Variants in ARFGAP3 observed in about 807,000 individuals in gnomAD.
ARFGAP3 encodes the protein ADP-ribosylation factor GTPase-activating protein 3.
Under a neutral mutation model 75.0 loss-of-function variants are expected in ARFGAP3, and 72 were observed. That is an observed-to-expected ratio of 0.96 (90% confidence interval 0.79 to 1.17). ARFGAP3 has a LOEUF of 1.17. Among genes scored for constraint, ARFGAP3 ranks in the 50% most tolerant of loss-of-function variants. The pLI is 0.00. For synonymous variants in ARFGAP3, 221 were observed against 217.9 expected (o/e 1.01, Z -0.13); for missense variants, 620 against 626.6 (o/e 0.99, Z 0.11).
chr22:42,818,872 G>A (rs565685265), intron 9 of ARFGAP3, among the ~76,000 whole-genome samples: 1 of 141,468 alleles, frequency 7.1e-6, no homozygotes, highest in East Asian at 1.9e-4. Context: ...GAGTGCAGTG[G>A]TGCAATCTTG....
intron 5 of ARFGAP3, among the ~76,000 whole-genome samples, chr22:42,832,533 C>CAA (rs55833497): frequency 4.4e-4 from 54 of 122,626 alleles, no homozygotes; most frequent in Admixed American, 2.1e-3. Context: ...GACTCCATCT[C>CAA]AAAAAAAAAA....
intron 11 of ARFGAP3, among the ~76,000 whole-genome samples, chr22:42,814,508 A>G (rs1322202319): frequency 6.6e-6 from 1 of 152,238 alleles, no homozygotes; most frequent in African/African-American, 2.4e-5. Context: ...GTTTCAAACC[A>G]TAAGTAACAG....
intron 11 of ARFGAP3, among the ~76,000 whole-genome samples, chr22:42,815,388 C>T (rs1925531871): frequency 6.6e-6 from 1 of 151,190 alleles, no homozygotes; most frequent in Non-Finnish European, 1.5e-5. Context: ...GAAAATACCA[C>T]CATGGAACAC....
chr22:42,827,316 G>A (rs1236648284), intron 6 of ARFGAP3, among the ~76,000 whole-genome samples: 1 of 152,070 alleles, frequency 6.6e-6, no homozygotes, highest in Non-Finnish European at 1.5e-5. Context: ...CTACCTCTGT[G>A]GACTATACAT....
Position 42,836,052 on chromosome 22 carries a change from G to T in ARFGAP3, c.262-559C>A, listed in dbSNP as rs188888542. ...GGCTGCAATGCAGTGGCTCCATCTCGGTTCACTGCAAACTCCACCTCCTGG... is the reference window on the plus strand; with the variant it reads ...GGCTGCAATGCAGTGGCTCCATCTCTGTTCACTGCAAACTCCACCTCCTGG... On this transcript the variant is annotated intron_variant, in intron 3 of 15. Coordinates refer to ENST00000263245, the MANE Select transcript of ARFGAP3 (RefSeq NM_014570.5). 1.7e-3 allele frequency among the ~76,000 whole-genome samples: 241 copies of T among 139,610 alleles called. 2 individuals carry two copies. The highest frequency in any genetic ancestry group is 6.2e-3 in the African/African-American group (231 of 37,138). The allele number at this position is 139,610 out of a possible 152,430, so 91.6% of individuals were successfully genotyped here.
chr22:42,846,436 G>T (rs142666519), intron 2 of ARFGAP3, among the ~76,000 whole-genome samples: 2,703 of 152,282 alleles, frequency 0.018, 34 homozygotes, highest in Non-Finnish European at 0.025. Context: ...GGACTGTGGG[G>T]TTATCCCATC....
chr22:42,841,157 G>A, intron 2 of ARFGAP3, 141 bp from the exon 3 acceptor site: 1 of 1,440,036 alleles, frequency 6.9e-7, no homozygotes. Context: ...CACACTTTTG[G>A]GATGCTAGGA....
At chr22:42,823,304 A>G (rs2146548502) in intron 8 of ARFGAP3, among the ~76,000 whole-genome samples, 1 of 152,106 alleles carries the variant, frequency 6.6e-6, no homozygotes, top group African/African-American at 2.4e-5. Flanking sequence ...GTGCTCCGCA[A>G]TGCTTCGCTG....
chr22:42,849,560 CTT>C (rs58141557), intron 1 of ARFGAP3, among the ~76,000 whole-genome samples: 26,320 of 127,758 alleles, frequency 0.21, 4,695 homozygotes, highest in East Asian at 0.55. Flanking sequence ...TGCTTTATGG[CTT>C]TTTTTTTTTT....
At chr22:42,806,930 C>G (rs941770923) in intron 14 of ARFGAP3, 143 bp downstream of exon 14, 2 of 815,718 alleles carry the variant, frequency 2.5e-6, no homozygotes, top group Admixed American at 3.4e-5. Flanking sequence ...ATAGTAACTT[C>G]TGCTCTACCT....
chr22:42,823,627 T>C (rs1219403621), intron 8 of ARFGAP3, 29 bp downstream of exon 8: 2 of 1,465,728 alleles, frequency 1.4e-6, no homozygotes, highest in Non-Finnish European at 9.2e-7. Context: ...AACTACCAGA[T>C]TTTTATATAT....
chr22:42,849,578 TAA>T (rs11464548), intron 1 of ARFGAP3, among the ~76,000 whole-genome samples: 1 of 108,108 alleles, frequency 9.3e-6, no homozygotes, highest in African/African-American at 4.2e-5. Context: ...TTTTTTTTTT[TAA>T]AGAGACAAGG....
In ARFGAP3 at chr22:42,830,864, T is replaced by A. The variant is rs573809138; in HGVS notation, c.565+685A>T. Among the ~76,000 whole-genome samples the A allele has an allele frequency of 1.5e-3, 235 of 152,174 alleles. 1 individual carries two copies. The highest frequency in any genetic ancestry group is 3.0e-3 in the Non-Finnish European group (207 of 67,964). On this transcript the variant is annotated intron_variant, in intron 6 of 15. Coordinates refer to ENST00000263245, the MANE Select transcript of ARFGAP3 (RefSeq NM_014570.5). The stretch of plus-strand genomic sequence containing the variant: ...AACTAAAAATCCTCAGTAATTTCAC[T>A]CTCTATTTAACAATTTGCTATGTGC...
intron 1 of ARFGAP3, among the ~76,000 whole-genome samples, chr22:42,855,699 A>C (rs1181473149): frequency 3.3e-5 from 5 of 150,050 alleles, no homozygotes; most frequent in African/African-American, 1.2e-4. Flanking sequence ...ATTAAAATTA[A>C]AACGTTAAAA....
At chr22:42,844,197 T>A (rs1427217529) in intron 2 of ARFGAP3, among the ~76,000 whole-genome samples, 1 of 128,564 alleles carries the variant, frequency 7.8e-6, no homozygotes, top group Non-Finnish European at 1.9e-5. Context: ...TTTCTTTTTT[T>A]GGTGGTGGTT....
chr22:42,835,535 C>T (rs190668379), intron 3 of ARFGAP3, 42 bp from the exon 4 acceptor site: 292 of 1,606,020 alleles, frequency 1.8e-4, no homozygotes, highest in Middle Eastern at 6.7e-4. Context: ...CGTAAAACTA[C>T]GTATGGCCAG....
rs111869150 is a variant in ARFGAP3, at chr22:42,824,528, C to CT, written c.626-827dup. 2.5e-3 allele frequency among the ~76,000 whole-genome samples: 334 copies of CT among 135,346 alleles called. 2 individuals are homozygous for CT. The highest frequency in any genetic ancestry group is 8.3e-3 in the Middle Eastern group (2 of 240). The allele number at this position is 135,346 out of a possible 152,430, so 88.8% of individuals were successfully genotyped here. On this transcript the variant is annotated intron_variant, in intron 7 of 15. Transcript: ENST00000263245. ...TATGCCACCATGCCTGGTTTTCTTT[C>CT]TTTTTTTTTTTTTTGTAGACATCAG...
intron 6 of ARFGAP3, among the ~76,000 whole-genome samples, chr22:42,828,287 G>A (rs139951025): frequency 2.0e-5 from 3 of 151,858 alleles, no homozygotes; most frequent in South Asian, 2.1e-4. Flanking sequence ...GGCCAGGCGC[G>A]GTAGCTCACA....
At position 42,814,768 on chromosome 22, in the gene ARFGAP3, G is replaced by C. The variant is rs1211008019; in HGVS notation, c.1064+2374C>G. On this transcript the variant is annotated intron_variant, in intron 11 of 15. Coordinates refer to ENST00000263245, the MANE Select transcript of ARFGAP3 (RefSeq NM_014570.5). The stretch of plus-strand genomic sequence containing the variant: ...TCTCTTTTTTTTGAGAGAGGGTCTT[G>C]CTCTGTTGCCCAGGCTGGAGTGCAG... 5.3e-5 allele frequency among the ~76,000 whole-genome samples: 8 copies of C among 152,082 alleles called. No homozygotes were observed. The East Asian group carries it at 1.5e-3, about 29-fold the overall frequency.
Sources: gnomAD v4.1 joint callset for allele counts (sites outside exome capture counted in the v4.1 genomes callset) on GRCh38, gnomAD v4.1.1 for gene constraint, MANE v1.5 for transcripts, NCBI Gene and HGNC (gene_info 2026-07-23, HGNC 2026-07-21) for gene names.